CBFA2T2: variants seen among roughly 807,000 people sequenced by gnomAD.
CBFA2T2 encodes the protein CBFA2/RUNX1 partner transcriptional co-repressor 2, also known as protein CBFA2T2.
In CBFA2T2, 11 loss-of-function variants were observed where a neutral mutation model predicts 62.2. The observed-to-expected ratio is 0.18, with a 90% CI of 0.11 to 0.29. The LOEUF (loss-of-function observed/expected upper bound fraction) is 0.29. Ranked by LOEUF, CBFA2T2 falls within the 10% of genes least tolerant of loss-of-function variation. The pLI, the probability that CBFA2T2 is intolerant of heterozygous loss-of-function variation, is 1.00. For synonymous variants in CBFA2T2, 295 were observed against 287.5 expected, an observed-to-expected ratio of 1.03 and a Z score of -0.27; for missense variants, 592 against 774.1, an observed-to-expected ratio of 0.76 and a Z score of 2.79.
chr20:33,610,307 C>G (rs1182086015), intron 2 of CBFA2T2, among the ~76,000 whole-genome samples: 1 of 151,746 alleles, frequency 6.6e-6, no homozygotes, highest in Non-Finnish European at 1.5e-5. Flanking sequence ...GACCCTGCCT[C>G]AAAAAAACAA....
At chr20:33,539,440 C>A (rs560040804) in intron 1 of CBFA2T2, among the ~76,000 whole-genome samples, 2 of 152,132 alleles carry the variant, frequency 1.3e-5, no homozygotes, top group Non-Finnish European at 2.9e-5. Flanking sequence ...CCTCATGTTT[C>A]GAGGTCAATG....
rs2017192309 is a variant in CBFA2T2, at chr20:33,649,935, A to G, written c.*5289A>G. On this transcript the variant is annotated 3_prime_UTR_variant, in exon 11 of 11. Coordinates refer to ENST00000342704, the MANE Select transcript of CBFA2T2 (RefSeq NM_001032999.3). ...GAATTTTTGTTACCTAACTCTGTGC[A>G]TAACTTATTTAATGTACTGTATAAA... 1 of 152,684 alleles carries G rather than the reference A, an allele frequency of 6.5e-6. No homozygotes were observed. Among genetic ancestry groups the G allele is most frequent in the East Asian group, 1.9e-4 (1 of 5,206 alleles). The allele number at this position is 152,684 out of a possible 1,614,324, so 9.5% of individuals were successfully genotyped here.
chr20:33,592,382 A>ATATATATATATAATTATGTAAAAAG (rs1555840419), intron 1 of CBFA2T2, among the ~76,000 whole-genome samples: 1 of 142,620 alleles, frequency 7.0e-6, no homozygotes, highest in African/African-American at 2.6e-5. Context: ...TTTTATATAT[A>ATATATATATATAATTATGTAAAAAG]TATATATATA....
chr20:33,569,208 T>G (rs913715450), intron 1 of CBFA2T2, among the ~76,000 whole-genome samples: 32 of 152,286 alleles, frequency 2.1e-4, no homozygotes, highest in East Asian at 1.4e-3. Flanking sequence ...TGCTTTTTGG[T>G]TTGTTAAATT....
At chr20:33,509,751 C>T (rs956559456) in intron 1 of CBFA2T2, among the ~76,000 whole-genome samples, 11 of 151,600 alleles carry the variant, frequency 7.3e-5, no homozygotes, top group African/African-American at 2.4e-4. Context: ...ATCTCTTGAA[C>T]GTGGGAGGCG....
rs949051202 is a variant in CBFA2T2, at chr20:33,564,282, G to T, written c.35-42674G>T. On this transcript the variant is annotated intron_variant, in intron 1 of 10. Coordinates refer to ENST00000342704, the MANE Select transcript of CBFA2T2 (RefSeq NM_001032999.3). Reference sequence around the variant, plus strand: ...TTTTCTTTCTTTTTTTTTTTTTTCCGAGATGGAGTCTCACTCTGTCGCGCA... The same window carrying T: ...TTTTCTTTCTTTTTTTTTTTTTTCCTAGATGGAGTCTCACTCTGTCGCGCA... 4.9e-5 allele frequency among the ~76,000 whole-genome samples: 7 copies of T among 142,448 alleles called. No homozygotes were observed. The East Asian group carries it at 1.2e-3, about 25-fold the overall frequency. 93.5% of individuals were successfully genotyped at this position (142,448 alleles called of 152,430 possible).
At chr20:33,574,502 G>A (rs904797907) in intron 1 of CBFA2T2, among the ~76,000 whole-genome samples, 2 of 152,172 alleles carry the variant, frequency 1.3e-5, no homozygotes, top group African/African-American at 4.8e-5. Flanking sequence ...GCACATGCCT[G>A]TAATCCCAGC....
At chr20:33,574,302 A>G in intron 1 of CBFA2T2, 1 of 1,581,746 alleles carries the variant, frequency 6.3e-7, no homozygotes, top group South Asian at 1.1e-5. Flanking sequence ...GACTAATTTA[A>G]TAACAGAAAT....
intron 1 of CBFA2T2, among the ~76,000 whole-genome samples, chr20:33,497,598 A>G (rs987475673): frequency 1.5e-5 from 2 of 135,272 alleles, no homozygotes; most frequent in Non-Finnish European, 3.0e-5. Flanking sequence ...TCGCTAGGCT[A>G]CAGTGCGGTA....
chr20:33,509,225 G>C (rs2011460493), intron 1 of CBFA2T2, among the ~76,000 whole-genome samples: 1 of 151,782 alleles, frequency 6.6e-6, no homozygotes, highest in South Asian at 2.1e-4. Flanking sequence ...AAATTATCTG[G>C]GTGTGGTGGC....
intron 1 of CBFA2T2, among the ~76,000 whole-genome samples, chr20:33,583,331 T>A (rs546454803): frequency 6.6e-6 from 1 of 152,364 alleles, no homozygotes; most frequent in South Asian, 2.1e-4. Context: ...ATTGACCTTT[T>A]CCCAGGGCCA....
chr20:33,575,115 A>G (rs1241576257), intron 1 of CBFA2T2, among the ~76,000 whole-genome samples: 3 of 152,226 alleles, frequency 2.0e-5, no homozygotes, highest in African/African-American at 7.2e-5. Context: ...TTAGCAAACC[A>G]TATGGTTGTT....
chr20:33,631,693 T>TTA (rs1240163103), intron 8 of CBFA2T2, among the ~76,000 whole-genome samples: 1 of 152,216 alleles, frequency 6.6e-6, no homozygotes, highest in African/African-American at 2.4e-5. Context: ...ACAGTCCAGT[T>TTA]TATACCTGTG....
chr20:33,544,089 A>G (rs1054162522), intron 1 of CBFA2T2, among the ~76,000 whole-genome samples: 15 of 152,068 alleles, frequency 9.9e-5, no homozygotes, highest in Middle Eastern at 6.3e-3. Context: ...GAGTGGTTCA[A>G]TTTAGTCAGG....
chr20:33,628,365 A>G lies in CBFA2T2; in HGVS notation c.962A>G (p.Tyr321Cys), dbSNP rs1270723641. 1.2e-6 allele frequency: 2 copies of G among 1,612,034 alleles called. No individual in the cohort carries two copies. The highest frequency in any genetic ancestry group is 1.7e-5 in the Admixed American group (1 of 60,020). Residue 321 changes from tyrosine (Y) to cysteine (C), a missense_variant, in exon 7 of 11, where the codon TAT becomes TGT. By Grantham distance (194) the Tyr-to-Cys change is radical (BLOSUM62 -2). Transcript: ENST00000342704. ...TTTCTAATAGGTCTAAATGGAGGCTATCAAGATGAGTTGGTAGATCATCGT... is the reference window on the plus strand; with the variant it reads ...TTTCTAATAGGTCTAAATGGAGGCTGTCAAGATGAGTTGGTAGATCATCGT... ...RHHSLGLNGG[Y>C]QDELVDHRLT... is the part of the protein sequence containing the mutation.
At chr20:33,510,141 G>A (rs2011481841) in intron 1 of CBFA2T2, among the ~76,000 whole-genome samples, 1 of 151,916 alleles carries the variant, frequency 6.6e-6, no homozygotes, top group South Asian at 2.1e-4. Context: ...CCCTGCAAAG[G>A]ACATGAACTC....
chr20:33,492,991 G>A (rs1402158241), intron 1 of CBFA2T2, among the ~76,000 whole-genome samples: 2 of 150,718 alleles, frequency 1.3e-5, no homozygotes, highest in African/African-American at 4.9e-5. Context: ...GACCTCAAGT[G>A]ATCTGCCCGC....
At chr20:33,509,574 T>A (rs928506034) in intron 1 of CBFA2T2, among the ~76,000 whole-genome samples, 3 of 152,110 alleles carry the variant, frequency 2.0e-5, no homozygotes, top group Non-Finnish European at 2.9e-5. Context: ...ACACCTGTAA[T>A]CCCAGCAATT....
chr20:33,594,442 G>C lies in CBFA2T2; in HGVS notation c.35-12514G>C, dbSNP rs114549800. ...TCACTGTGTTAGCCGGAATGGTCTCGATCTCTTGACCTCGTGATCCTCCTG... is the reference window on the plus strand; with the variant it reads ...TCACTGTGTTAGCCGGAATGGTCTCCATCTCTTGACCTCGTGATCCTCCTG... On this transcript the variant is annotated intron_variant, in intron 1 of 10. Coordinates refer to ENST00000342704, the MANE Select transcript of CBFA2T2 (RefSeq NM_001032999.3). 5.3e-3 allele frequency among the ~76,000 whole-genome samples: 810 copies of C among 152,070 alleles called. 6 individuals are homozygous for C. Among genetic ancestry groups the C allele is most frequent in the African/African-American group, 0.018 (765 of 41,468 alleles).
Sources: gnomAD v4.1 joint callset for allele counts (sites outside exome capture counted in the v4.1 genomes callset) on GRCh38, gnomAD v4.1.1 for gene constraint, MANE v1.5 for transcripts, NCBI Gene and HGNC (gene_info 2026-07-23, HGNC 2026-07-21) for gene names.